The following TRIO variants were observed in gnomAD, a reference collection of about 807,000 sequenced individuals.
TRIO encodes the protein trio Rho guanine nucleotide exchange factor.
TRIO carries 58 observed loss-of-function variants against 351.9 expected under a neutral mutation model. That is an observed-to-expected ratio of 0.16 (90% CI 0.13 to 0.21). The LOEUF (loss-of-function observed/expected upper bound fraction) is 0.21, where lower values mean the gene tolerates loss of function less well. TRIO is among the 10% of genes least tolerant of loss of function. The probability of loss-of-function intolerance (pLI) is 1.00; values close to 1 mark genes in which losing one functional copy is unlikely to be tolerated. For synonymous variants in TRIO, 1,758 were observed against 1,595.7 expected (o/e 1.10, Z -2.42); for missense variants, 3,201 against 4,027.8 (o/e 0.79, Z 5.56).
At chr5:14,502,890 A>G (rs1002280948) in intron 54 of TRIO, among the ~76,000 whole-genome samples, 10 of 152,232 alleles carry the variant, frequency 6.6e-5, no homozygotes, top group Non-Finnish European at 1.5e-4. Flanking sequence ...TCACCCCTCA[A>G]TGGGGAGAAA....
At chr5:14,202,313 T>A (rs1487590204) in intron 1 of TRIO, among the ~76,000 whole-genome samples, 66 of 123,476 alleles carry the variant, frequency 5.3e-4, no homozygotes, top group African/African-American at 1.9e-3. Flanking sequence ...TTTTTTTTTT[T>A]TTTTTTTTTT....
chr5:14,173,701 G>C (rs535463028), intron 1 of TRIO, among the ~76,000 whole-genome samples: 1 of 152,166 alleles, frequency 6.6e-6, no homozygotes, highest in African/African-American at 2.4e-5. Context: ...AGAGCTCTAC[G>C]CTTAGGACAG....
chr5:14,250,915 G>A (rs532340513), intron 1 of TRIO, among the ~76,000 whole-genome samples: 4 of 152,330 alleles, frequency 2.6e-5, no homozygotes, highest in Non-Finnish European at 5.9e-5. Flanking sequence ...CTTAACAGAG[G>A]AGGAAGCTGC....
intron 1 of TRIO, among the ~76,000 whole-genome samples, chr5:14,174,761 G>T (rs978140165): frequency 2.0e-5 from 3 of 152,196 alleles, no homozygotes; most frequent in African/African-American, 7.2e-5. Context: ...TTAGTCTACA[G>T]TCGAGACCTA....
chr5:14,344,199 C>T (rs1742199752), intron 11 of TRIO, among the ~76,000 whole-genome samples: 1 of 152,290 alleles, frequency 6.6e-6, no homozygotes. Context: ...TCGACTGCAT[C>T]ATCAGCCCCT....
At chr5:14,476,691 G>C (rs186490229) in intron 40 of TRIO, among the ~76,000 whole-genome samples, 484 of 152,148 alleles carry the variant, frequency 3.2e-3, no homozygotes, top group Middle Eastern at 6.8e-3. Context: ...CTACTTGGGA[G>C]GCTGAGGCAG....
At chr5:14,452,458 C>T (rs1579694960) in intron 34 of TRIO, among the ~76,000 whole-genome samples, 1 of 152,228 alleles carries the variant, frequency 6.6e-6, no homozygotes. Context: ...GGGTCATTGA[C>T]TCATAAGAAC....
chr5:14,271,760 CT>C (rs969557398), intron 2 of TRIO, among the ~76,000 whole-genome samples: 19 of 152,238 alleles, frequency 1.2e-4, no homozygotes, highest in Non-Finnish European at 2.6e-4. Flanking sequence ...CTGTGCTGAT[CT>C]GTGTATCCTC....
intron 18 of TRIO, among the ~76,000 whole-genome samples, chr5:14,373,762 T>C (rs939581471): frequency 2.0e-5 from 3 of 152,188 alleles, no homozygotes; most frequent in African/African-American, 7.2e-5. Context: ...TGTTGTTTGT[T>C]TGAGTAGTTG....
intron 45 of TRIO, among the ~76,000 whole-genome samples, chr5:14,482,057 G>C (rs32526): frequency 0.54 from 81,930 of 151,978 alleles, 24,915 homozygotes; most frequent in African/African-American, 0.84. Context: ...TTACATATTA[G>C]CTATTACATA....
chr5:14,208,217 G>A (rs1346950315), intron 1 of TRIO, among the ~76,000 whole-genome samples: 2 of 152,158 alleles, frequency 1.3e-5, no homozygotes, highest in African/African-American at 2.4e-5. Flanking sequence ...ATGTACAGCC[G>A]TATTACTCAT....
At chr5:14,177,696 G>A (rs1314605115) in intron 1 of TRIO, among the ~76,000 whole-genome samples, 3 of 152,196 alleles carry the variant, frequency 2.0e-5, no homozygotes, top group Non-Finnish European at 4.4e-5. Context: ...CACTCCTCCT[G>A]TCTCCTGCCC....
rs78529128 is a variant in TRIO at position 14,385,865 on chromosome 5, C to G, written c.3571-1573C>G. Among the ~76,000 whole-genome samples the G allele has an allele frequency of 3.4e-3, 519 of 152,292 alleles. 2 individuals carry two copies. Among genetic ancestry groups the G allele is most frequent in the African/African-American group, 0.012 (497 of 41,568 alleles). ...AAGCTGCATTATCTTTTTATCTTCA[C>G]TTCTGTGTCCCCATCACTTAAAACA... On this transcript the variant is annotated intron_variant, in intron 21 of 56. Coordinates refer to ENST00000344204, the MANE Select transcript of TRIO (RefSeq NM_007118.4).
chr5:14,287,036 T>C lies in TRIO; in HGVS notation c.513T>C (p.Asn171=). The change falls in exon 4 of 57, where the codon AAT becomes AAC. Residue 171 remains asparagine, a synonymous_variant. Transcript: ENST00000344204. The stretch of plus-strand genomic sequence containing the variant: ...ACTTCTGGCAGAAACAGAGGACTAA[T>C]TTTGGCAGTTCTAAATTTGAATTTG... ...PDNFWQKQRT[N]FGSSKFEFET... 1.9e-6 allele frequency: 3 copies of C among 1,614,146 alleles called. No homozygotes were observed. Among genetic ancestry groups the C allele is most frequent in the Non-Finnish European group, 2.5e-6 (3 of 1,180,006 alleles).
intron 1 of TRIO, among the ~76,000 whole-genome samples, chr5:14,222,103 C>T (rs549466230): frequency 2.6e-4 from 39 of 151,948 alleles, no homozygotes; most frequent in Middle Eastern, 3.4e-3. Flanking sequence ...AAGATTACGA[C>T]TCTCTGAAGG....
At chr5:14,350,844 G>A (rs971569195) in intron 11 of TRIO, among the ~76,000 whole-genome samples, 10 of 152,078 alleles carry the variant, frequency 6.6e-5, no homozygotes, top group African/African-American at 1.9e-4. Flanking sequence ...TGTGGAAGAC[G>A]ATTTTTCCAC....
At chr5:14,436,283 T>C (rs1751582989) in intron 34 of TRIO, among the ~76,000 whole-genome samples, 1 of 152,178 alleles carries the variant, frequency 6.6e-6, no homozygotes, top group South Asian at 2.1e-4. Context: ...GGAACTCCTC[T>C]TTGTAAAACC....
intron 1 of TRIO, among the ~76,000 whole-genome samples, chr5:14,201,241 CAA>C (rs1791088713): frequency 6.6e-6 from 1 of 151,958 alleles, no homozygotes; most frequent in Non-Finnish European, 1.5e-5. Context: ...GCCTGGGCAA[CAA>C]GAGCGAAACT....
chr5:14,254,272 C>A (rs1485139345), intron 1 of TRIO, among the ~76,000 whole-genome samples: 1 of 151,916 alleles, frequency 6.6e-6, no homozygotes, highest in African/African-American at 2.4e-5. Context: ...CAGCCTCCGC[C>A]TCCCAGGTTC....
Sources: allele counts gnomAD v4.1 joint callset (sites outside exome capture counted in the v4.1 genomes callset), GRCh38; gene constraint gnomAD v4.1.1; transcripts MANE v1.5; gene names NCBI Gene and HGNC (gene_info 2026-07-23, HGNC 2026-07-21).